Variants in VMAC observed in about 807,000 individuals in gnomAD.
VMAC encodes vimentin-type intermediate filament-associated coiled-coil protein.
A neutral mutation model predicts 4.8 loss-of-function variants in VMAC; 8 were observed. That is an observed-to-expected ratio of 1.68 (90% CI 0.99 to 3.03). The LOEUF is 3.03. Ranked by LOEUF, VMAC falls within the 30% of genes most tolerant of loss-of-function variation. The pLI, the probability that VMAC is intolerant of heterozygous loss-of-function variation, is 0.00. For missense variants in VMAC, 248 were observed against 245.1 expected (o/e 1.01, Z -0.08); for synonymous variants, 96 against 113.7 (o/e 0.84, Z 0.99).
rs938093771 is a variant in VMAC, at chr19:5,906,136, A to AT, written c.191+1055_191+1056insT. 1.5e-4 allele frequency among the ~76,000 whole-genome samples: 3 copies of AT among 20,358 alleles called. No homozygotes were observed. In the East Asian group the frequency reaches 6.0e-3, roughly 40 times the overall value. The allele number at this position is 20,358 out of a possible 152,430, so 13.4% of individuals were successfully genotyped here. A position where few individuals can be genotyped will look rare whatever the true frequency, so the allele number is the denominator to read the frequency against. On this transcript the variant is annotated intron_variant, in intron 1 of 1. Coordinates refer to ENST00000339485, the MANE Select transcript of VMAC (RefSeq NM_001017921.4). ...GTGCGACAGCACACCTGGCTGATTT[A>AT]AAAAAAAAAATCCTTTAGAAATGGG...
At position 5,904,983 on chromosome 19, in the gene VMAC, C is replaced by A; in HGVS notation, c.93C>A (p.Asp31Glu). 1 of 1,464,684 alleles carries A rather than the reference C, an allele frequency of 6.8e-7. No individual in the cohort carries two copies. The highest frequency in any genetic ancestry group is 8.9e-7 in the Non-Finnish European group (1 of 1,118,308). The allele number at this position is 1,464,684 out of a possible 1,614,324, so 90.7% of individuals were successfully genotyped here. A position where few individuals can be genotyped will look rare whatever the true frequency, so the allele number is the denominator to read the frequency against. The change falls in exon 1 of 2, where the codon GAC becomes GAA. Residue 31 changes from aspartate (D) to glutamate (E), a missense_variant. Coordinates refer to ENST00000339485, the MANE Select transcript of VMAC (RefSeq NM_001017921.4). ...CAGCGGAGCTGGAGGCGCGGCTGGA[C>A]GCGGCGGAGCGCACGGTGCACGCCC... ...RRAAELEARL[D>E]AAERTVHAQA...
At chr19:5,906,591 G>A (rs1290332381) in intron 1 of VMAC, among the ~76,000 whole-genome samples, 1 of 152,208 alleles carries the variant, frequency 6.6e-6, no homozygotes. Flanking sequence ...CGGCCATGAT[G>A]GAGGGGCATA....
rs368962280 is a variant in VMAC, at chr19:5,909,147, G to C, written c.*5G>C. On this transcript the variant is annotated 3_prime_UTR_variant, in exon 2 of 2. Coordinates refer to ENST00000339485, the MANE Select transcript of VMAC (RefSeq NM_001017921.4). Reference sequence around the variant, plus strand: ...GTGTTTGGGACCACAGTGTGAGCCCGGAATGCAGATTACAGAATGGAGACA... The same window carrying C: ...GTGTTTGGGACCACAGTGTGAGCCCCGAATGCAGATTACAGAATGGAGACA... 46 of 1,532,702 alleles carry C rather than the reference G, an allele frequency of 3.0e-5. No homozygotes were observed. The highest frequency in any genetic ancestry group is 2.2e-4 in the African/African-American group (16 of 72,708). 94.9% of individuals were successfully genotyped at this position (1,532,702 alleles called of 1,614,324 possible).
Position 5,904,885 on chromosome 19 carries a change from T to C in VMAC, c.-6T>C, listed in dbSNP as rs1316225674. On this transcript the variant is annotated 5_prime_UTR_variant, in exon 1 of 2. Coordinates refer to ENST00000339485, the MANE Select transcript of VMAC (RefSeq NM_001017921.4). ...GCGTGGCCGGGCCTGTACAGCAGCC[T>C]GGGCCATGTCGGCGCCGCCGGCCCT... 3.4e-6 allele frequency: 5 copies of C among 1,472,268 alleles called. No individual in the cohort carries two copies. Among genetic ancestry groups the C allele is most frequent in the East Asian group, 2.9e-5 (1 of 34,324 alleles). The allele number at this position is 1,472,268 out of a possible 1,614,324, so 91.2% of individuals were successfully genotyped here.
rs141767420 is a variant in VMAC at position 5,908,216 on chromosome 19, T to C, written c.192-608T>C. On this transcript the variant is annotated intron_variant, in intron 1 of 1. Coordinates refer to ENST00000339485, the MANE Select transcript of VMAC (RefSeq NM_001017921.4). The surrounding 1 kb of genome is among the most constrained non-coding windows in gnomAD (Gnocchi z 4.5). The stretch of plus-strand genomic sequence containing the variant: ...AAAATCAGTCAGGCATGGTGGCGCA[T>C]GCCTGTAAACCCAGCTACTCGGGAG... Among the ~76,000 whole-genome samples, 1,268 of 152,150 alleles carry C rather than the reference T, an allele frequency of 8.3e-3. 12 individuals are homozygous for C. Among genetic ancestry groups the C allele is most frequent in the Middle Eastern group, 0.061 (18 of 294 alleles).
At chr19:5,907,325 C>A (rs570924895) in intron 1 of VMAC, among the ~76,000 whole-genome samples, 1 of 152,108 alleles carries the variant, frequency 6.6e-6, no homozygotes, top group African/African-American at 2.4e-5. Flanking sequence ...AAATACCCTT[C>A]TGCTATGGTT....
chr19:5,906,135 TA>T (rs33945799), intron 1 of VMAC, among the ~76,000 whole-genome samples: 15 of 149,788 alleles, frequency 1.0e-4, no homozygotes, highest in African/African-American at 2.9e-4. Context: ...CTGGCTGATT[TA>T]AAAAAAAAAA....
intron 1 of VMAC, among the ~76,000 whole-genome samples, chr19:5,905,739 A>G (rs566393968): frequency 6.6e-6 from 1 of 151,748 alleles, no homozygotes; most frequent in South Asian, 2.1e-4. Context: ...ATTATTTTTG[A>G]GGCAGGGCCT....
rs1369014989 is a variant in VMAC at position 5,909,492 on chromosome 19, T to G, written c.*350T>G. 1 of 221,656 alleles carries G rather than the reference T, an allele frequency of 4.5e-6. No individual in the cohort carries two copies. Among genetic ancestry groups the G allele is most frequent in the Non-Finnish European group, 8.8e-6 (1 of 113,596 alleles). The allele number at this position is 221,656 out of a possible 1,614,324, so 13.7% of individuals were successfully genotyped here. On this transcript the variant is annotated 3_prime_UTR_variant, in exon 2 of 2. Coordinates refer to ENST00000339485, the MANE Select transcript of VMAC (RefSeq NM_001017921.4). ...GTGAGTTTCTGTTTTTTGTTTTTTT[T>G]TTTTTAAGACAGAGTCCCACTCTGT... is the stretch of plus-strand genomic sequence containing the variant.
Position 5,909,359 on chromosome 19 carries a change from ATC to A in VMAC, c.*218_*219del. ...GTTCTTGTTTGTTTTTAAGCTTTGA[ATC>A]AGTCACCCTTGCTAAAAACCTGGCA... On this transcript the variant is annotated 3_prime_UTR_variant, in exon 2 of 2. Transcript: ENST00000339485. The A allele has an allele frequency of 1.9e-6, 1 of 521,974 alleles. No individual in the cohort carries two copies. Among genetic ancestry groups the A allele is most frequent in the Non-Finnish European group, 3.3e-6 (1 of 305,586 alleles). 32.3% of individuals were successfully genotyped at this position (521,974 alleles called of 1,614,324 possible). A position where few individuals can be genotyped will look rare whatever the true frequency, so the allele number is the denominator to read the frequency against.
At chr19:5,905,958 G>A (rs1182002448) in intron 1 of VMAC, among the ~76,000 whole-genome samples, 1 of 151,826 alleles carries the variant, frequency 6.6e-6, no homozygotes, top group African/African-American at 2.4e-5. Context: ...CCCTTCCAAA[G>A]TGCTGGGATT....
rs766739455 is a variant in VMAC, at chr19:5,908,086, G to A, written c.192-738G>A. ...CAGGCTGGGTACAGTGGCTCAGCCT[G>A]TAATCCCAGTACTTTGGGAGGCCAA... On this transcript the variant is annotated intron_variant, in intron 1 of 1. Transcript: ENST00000339485. This position sits in a 1 kb window ranked among gnomAD's most constrained non-coding sequence, Gnocchi z 4.5. Among the ~76,000 whole-genome samples the A allele has an allele frequency of 1.3e-5, 2 of 152,194 alleles. No individual in the cohort carries two copies. The highest frequency in any genetic ancestry group is 6.5e-5 in the Admixed American group (1 of 15,270).
At chr19:5,907,912 G>A (rs886097033) in intron 1 of VMAC, among the ~76,000 whole-genome samples, 1 of 152,164 alleles carries the variant, frequency 6.6e-6, no homozygotes, top group African/African-American at 2.4e-5. Context: ...GCCACCCCCA[G>A]CCATGTGGAA....
intron 1 of VMAC, 38 bp downstream of exon 1, chr19:5,905,119 C>T (rs1231873771): frequency 1.5e-6 from 2 of 1,332,668 alleles, no homozygotes; most frequent in Admixed American, 4.1e-5. Flanking sequence ...TTCACCGAGG[C>T]GGTAGGCGGA....
intron 1 of VMAC, among the ~76,000 whole-genome samples, chr19:5,906,184 G>A (rs1196082616): frequency 6.6e-6 from 1 of 151,868 alleles, no homozygotes; most frequent in African/African-American, 2.4e-5. Flanking sequence ...TGCCTAGGCT[G>A]GCCTTGAACT....
At chr19:5,905,171 C>T (rs1424393854) in intron 1 of VMAC, 90 bp downstream of exon 1, 4 of 1,271,560 alleles carry the variant, frequency 3.1e-6, no homozygotes, top group Middle Eastern at 2.6e-4. Flanking sequence ...CAGGGGGAAC[C>T]GTGTGCACTT....
At position 5,904,877 on chromosome 19, in the gene VMAC, C is replaced by T. The variant is rs566205029; in HGVS notation, c.-14C>T. ...GCCTGGGGGCGTGGCCGGGCCTGTA[C>T]AGCAGCCTGGGCCATGTCGGCGCCG... On this transcript the variant is annotated 5_prime_UTR_variant, in exon 1 of 2. Coordinates refer to ENST00000339485, the MANE Select transcript of VMAC (RefSeq NM_001017921.4). 225 of 1,460,702 alleles carry T rather than the reference C, an allele frequency of 1.5e-4. No individual in the cohort carries two copies. The highest frequency in any genetic ancestry group is 2.0e-4 in the Non-Finnish European group (219 of 1,116,592). The allele number at this position is 1,460,702 out of a possible 1,614,324, so 90.5% of individuals were successfully genotyped here.
intron 1 of VMAC, among the ~76,000 whole-genome samples, chr19:5,906,221 C>T (rs1429325531): frequency 2.0e-5 from 3 of 152,178 alleles, no homozygotes; most frequent in Non-Finnish European, 4.4e-5. Context: ...CCTCCTGCCT[C>T]AGCCTCCCGA....
Position 5,908,901 on chromosome 19 carries a change from G to C in VMAC, c.269G>C (p.Arg90Thr), listed in dbSNP as rs1477652777. 2.5e-6 allele frequency: 4 copies of C among 1,613,850 alleles called. No individual in the cohort carries two copies. Among genetic ancestry groups the C allele is most frequent in the African/African-American group, 2.7e-5 (2 of 74,924 alleles). The change falls in exon 2 of 2, where the codon AGG (arginine) becomes ACG (threonine). Residue 90 changes from arginine (R) to threonine (T), a missense_variant. Physicochemically the swap from Arg to Thr is moderately conservative, Grantham distance 71. Coordinates refer to ENST00000339485, the MANE Select transcript of VMAC (RefSeq NM_001017921.4). This position sits in a 1 kb window ranked among gnomAD's most constrained non-coding sequence, Gnocchi z 4.5. Reference sequence around the variant, plus strand: ...AGCCTGCAGGCCACCGTGCACCAGAGGGACGAGCTCATTAGGCAGTTGCAG... The same window carrying C: ...AGCCTGCAGGCCACCGTGCACCAGACGGACGAGCTCATTAGGCAGTTGCAG... Reference protein sequence around the residue: ...VHSLQATVHQRDELIRQLQPR... With the variant: ...VHSLQATVHQTDELIRQLQPR...
Sources: gnomAD v4.1 joint callset for allele counts (sites outside exome capture counted in the v4.1 genomes callset) on GRCh38, gnomAD v4.1.1 for gene constraint, Gnocchi (gnomAD v3.1) non-coding constraint, MANE v1.5 for transcripts, NCBI Gene and HGNC (gene_info 2026-07-23, HGNC 2026-07-21) for gene names.